Variants in RHCE observed in about 807,000 individuals in gnomAD.
RHCE encodes Rh blood group CcEe antigens, also known as blood group Rh(CE) polypeptide.
Under a neutral mutation model 43.8 loss-of-function variants are expected in RHCE, and 22 were observed. The observed-to-expected ratio is 0.50, with a 90% CI of 0.36 to 0.72. The LOEUF is 0.72. Among genes scored for constraint, RHCE ranks in the 30% least tolerant of loss-of-function variants. The pLI, the probability that RHCE is intolerant of heterozygous loss-of-function variation, is 0.00. For missense variants in RHCE, 385 were observed against 525.4 expected (o/e 0.73, Z 2.61); for synonymous variants, 156 against 210.7 (o/e 0.74, Z 2.25).
rs375839004 is a variant in RHCE at position 25,405,918 on chromosome 1, G to A, written c.335+2765C>T. Among the ~76,000 whole-genome samples, 82 of 122,808 alleles carry A rather than the reference G, an allele frequency of 6.7e-4. 5 individuals carry two copies. The highest frequency in any genetic ancestry group is 2.0e-3 in the African/African-American group (80 of 39,750). 80.6% of individuals were successfully genotyped at this position (122,808 alleles called of 152,430 possible). ...CACCACCCATCAGCACAGCCCTGAC[G>A]GGAACCGGTCAGGAAGGAGCCAGTT... On this transcript the variant is annotated intron_variant, in intron 2 of 9. Transcript: ENST00000294413.
chr1:25,391,896 G>A, intron 4 of RHCE, 98 bp downstream of exon 4: 6 of 1,549,448 alleles, frequency 3.9e-6, no homozygotes, highest in Non-Finnish European at 5.3e-6. Context: ...GACACCCAGG[G>A]GAAGTTGGTA....
chr1:25,414,000 G>T (rs1293487951), intron 1 of RHCE, among the ~76,000 whole-genome samples: 1 of 151,874 alleles, frequency 6.6e-6, no homozygotes, highest in Non-Finnish European at 1.5e-5. Flanking sequence ...CTGTAAAATT[G>T]AGATGAAACA....
chr1:25,396,457 G>A (rs1314650318), intron 3 of RHCE, among the ~76,000 whole-genome samples: 2 of 152,184 alleles, frequency 1.3e-5, no homozygotes, highest in Non-Finnish European at 1.5e-5. Flanking sequence ...GTGTTAGTCT[G>A]TTTTCACACT....
At chr1:25,368,551 G>A (rs1571820205) in intron 9 of RHCE, among the ~76,000 whole-genome samples, 1 of 150,112 alleles carries the variant, frequency 6.7e-6, no homozygotes, top group Admixed American at 6.7e-5. Context: ...TTTTTTGCCT[G>A]TTTTACTTCT....
rs869269855 is a variant in RHCE, at chr1:25,379,479, ATATATATATATATATATTTTTTTTT to A, written c.1074-4076_1074-4052del. Among the ~76,000 whole-genome samples the A allele has an allele frequency of 2.4e-3, 63 of 26,370 alleles. 1 individual carries two copies. Among genetic ancestry groups the A allele is most frequent in the East Asian group, 7.4e-3 (6 of 814 alleles). 17.3% of individuals were successfully genotyped at this position (26,370 alleles called of 152,430 possible). A position where few individuals can be genotyped will look rare whatever the true frequency, so the allele number is the denominator to read the frequency against. On this transcript the variant is annotated intron_variant, in intron 7 of 9. Coordinates refer to ENST00000294413, the MANE Select transcript of RHCE (RefSeq NM_020485.8). ...TATATATATATATATATATATATAT[ATATATATATATATATATTTTTTTTT>A]TTTTTTTTTTTTTTTTTAAAGATGG...
At chr1:25,416,204 G>A (rs142584202) in intron 1 of RHCE, among the ~76,000 whole-genome samples, 1,589 of 152,150 alleles carry the variant, frequency 0.01, 25 homozygotes, top group African/African-American at 0.036. Flanking sequence ...GATTTGATAC[G>A]CATTTCTCTA....
chr1:25,387,455 A>T (rs1377714310), intron 6 of RHCE, among the ~76,000 whole-genome samples: 1 of 152,242 alleles, frequency 6.6e-6, no homozygotes, highest in Admixed American at 6.5e-5. Flanking sequence ...TGAAGGAATG[A>T]TGAATGAATG....
chr1:25,416,141 T>G (rs984502277), intron 1 of RHCE, among the ~76,000 whole-genome samples: 2 of 152,118 alleles, frequency 1.3e-5, no homozygotes, highest in African/African-American at 4.8e-5. Flanking sequence ...CATACAGCCT[T>G]GAGTCTCCTA....
intron 2 of RHCE, among the ~76,000 whole-genome samples, chr1:25,427,627 A>G (rs192344649): frequency 1.9e-4 from 29 of 152,350 alleles, no homozygotes; most frequent in Admixed American, 1.6e-3. Context: ...GAGTATGGAG[A>G]TGGGCAGTCC....
chr1:25,371,199 G>A (rs1645602358), intron 8 of RHCE, among the ~76,000 whole-genome samples: 1 of 150,996 alleles, frequency 6.6e-6, no homozygotes, highest in Admixed American at 6.6e-5. Flanking sequence ...TAAGACATAT[G>A]GGCTACTATG....
upstream of RHCE, among the ~76,000 whole-genome samples, chr1:25,423,622 A>G (rs535824699): frequency 6.6e-6 from 1 of 152,340 alleles, no homozygotes; most frequent in African/African-American, 2.4e-5. Context: ...TCTCGAAAGC[A>G]GAGTTTTTGC....
intron 3 of RHCE, among the ~76,000 whole-genome samples, chr1:25,399,867 T>C (rs1646676891): frequency 6.6e-6 from 1 of 152,342 alleles, no homozygotes; most frequent in Non-Finnish European, 1.5e-5. Context: ...CTCAAATGTA[T>C]TCTACTTGTT....
At position 25,379,477 on chromosome 1, in the gene RHCE, ATATATATATATATATATATTTTTTTTTTT is replaced by A. The variant is rs1411696888; in HGVS notation, c.1074-4078_1074-4050del. 9.7e-4 allele frequency among the ~76,000 whole-genome samples: 13 copies of A among 13,444 alleles called. 1 individual carries two copies. The highest frequency in any genetic ancestry group is 1.6e-3 in the Non-Finnish European group (10 of 6,092). 8.8% of individuals were successfully genotyped at this position (13,444 alleles called of 152,430 possible). On this transcript the variant is annotated intron_variant, in intron 7 of 9. Coordinates refer to ENST00000294413, the MANE Select transcript of RHCE (RefSeq NM_020485.8). Reference sequence around the variant, plus strand: ...TATATATATATATATATATATATATATATATATATATATATATATTTTTTTTTTTTTTTTTTTTTTTTTTAAAGATGGGA... The same window carrying A: ...TATATATATATATATATATATATATATTTTTTTTTTTTTTTAAAGATGGGA...
At chr1:25,426,013 C>A (rs1244110307) in intron 2 of RHCE, among the ~76,000 whole-genome samples, 3 of 152,238 alleles carry the variant, frequency 2.0e-5, no homozygotes, top group Admixed American at 1.3e-4. Context: ...GTAAAACAGT[C>A]AGTGTCTCTG....
chr1:25,420,536 G>C (rs1306860656), intron 1 of RHCE, 103 bp downstream of exon 1: 29 of 1,608,400 alleles, frequency 1.8e-5, no homozygotes, highest in Middle Eastern at 3.3e-4. Context: ...TTTTCCTCGG[G>C]ATTTTGTAGA....
chr1:25,370,865 C>T (rs956748964), intron 8 of RHCE, among the ~76,000 whole-genome samples: 2 of 150,234 alleles, frequency 1.3e-5, no homozygotes, highest in Admixed American at 6.6e-5. Flanking sequence ...TCTCCTGCCT[C>T]AGCCTCCCAA....
intron 3 of RHCE, among the ~76,000 whole-genome samples, chr1:25,394,355 C>A (rs1388693234): frequency 1.3e-5 from 2 of 152,074 alleles, no homozygotes; most frequent in Non-Finnish European, 2.9e-5. Context: ...GCCCTCCCAG[C>A]ACCCTGCCAT....
In RHCE at chr1:25,404,230, TC is replaced by T. The variant is rs199692452; in HGVS notation, c.336-1485del. Among the ~76,000 whole-genome samples, 4 of 148,904 alleles carry T rather than the reference TC, an allele frequency of 2.7e-5. No individual in the cohort carries two copies. In the East Asian group the frequency reaches 5.9e-4, roughly 22 times the overall value. ...AATCGTGCTAGCTCACCGTTCAGTA[TC>T]CCCATTTTACAGAGGGTCACGTAGA... On this transcript the variant is annotated intron_variant, in intron 2 of 9. Coordinates refer to ENST00000294413, the MANE Select transcript of RHCE (RefSeq NM_020485.8).
chr1:25,411,601 A>G, intron 1 of RHCE: 1 of 663,200 alleles, frequency 1.5e-6, no homozygotes, highest in Non-Finnish European at 2.4e-6. Context: ...AGAAGTGGGC[A>G]TTAGGAAGGA....
Sources: gnomAD v4.1 joint callset for allele counts (sites outside exome capture counted in the v4.1 genomes callset) on GRCh38, gnomAD v4.1.1 for gene constraint, MANE v1.5 for transcripts, NCBI Gene and HGNC (gene_info 2026-07-23, HGNC 2026-07-21) for gene names.